The following RPS6KA2 variants were observed in gnomAD, a reference collection of about 807,000 sequenced individuals.
RPS6KA2 encodes the protein ribosomal protein S6 kinase alpha-2.
RPS6KA2 carries 42 observed loss-of-function variants against 91.8 expected under a neutral mutation model. The observed-to-expected ratio is 0.46, with a 90% confidence interval of 0.36 to 0.59. RPS6KA2 has a LOEUF of 0.59. RPS6KA2 is among the 20% of genes least tolerant of loss of function. The pLI is 0.00. For missense variants in RPS6KA2, 798 were observed against 978.5 expected (o/e 0.82, Z 2.46); for synonymous variants, 414 against 393.6 (o/e 1.05, Z -0.61).
At chr6:166,461,230 G>A (rs1296167721) in intron 11 of RPS6KA2, among the ~76,000 whole-genome samples, 1 of 152,182 alleles carries the variant, frequency 6.6e-6, no homozygotes, top group Non-Finnish European at 1.5e-5. Flanking sequence ...GATTTCATTA[G>A]CACCGAGTTA....
rs570093316 is a variant in RPS6KA2 at position 166,837,857 on chromosome 6, T to C, written c.123+20343A>G. Among the ~76,000 whole-genome samples the C allele has an allele frequency of 9.2e-5, 14 of 152,382 alleles. No homozygotes were observed. The East Asian group carries it at 2.1e-3, about 23-fold the overall frequency. On this transcript the variant is annotated intron_variant, in intron 2 of 21. Coordinates refer to the RPS6KA2 transcript ENST00000503859. ...ATAACTGGAAGCTTTTTGTTTTACT[T>C]GGTTGGTTGTTTGCTTTTTACCAAT...
intron 11 of RPS6KA2, 82 bp downstream of exon 11, chr6:166,469,759 A>C (rs1583175491): frequency 8.1e-7 from 1 of 1,232,654 alleles, no homozygotes; most frequent in South Asian, 1.2e-5. Flanking sequence ...GACACTGAGG[A>C]CCCTCTGCAC....
At chr6:166,705,609 C>T (rs1344656584) in intron 2 of RPS6KA2, among the ~76,000 whole-genome samples, 4 of 152,004 alleles carry the variant, frequency 2.6e-5, no homozygotes, top group Non-Finnish European at 5.9e-5. Context: ...AAGAAAGAAG[C>T]AAGAAGGAGA....
At chr6:166,624,636 A>T (rs190013040) in intron 1 of RPS6KA2, among the ~76,000 whole-genome samples, 22 of 152,258 alleles carry the variant, frequency 1.4e-4, no homozygotes, top group African/African-American at 4.3e-4. Context: ...CCAGAAAAAG[A>T]CCAGCCCAAG....
Position 166,418,105 on chromosome 6 carries a change from A to G in RPS6KA2, c.1938+120T>C. On this transcript the variant is annotated intron_variant, in intron 19 of 20. Coordinates refer to ENST00000265678, the MANE Select transcript of RPS6KA2 (RefSeq NM_021135.6). The surrounding 1 kb of genome is among the most constrained non-coding windows in gnomAD (Gnocchi z 4.9). ...ACTCCATTTCAAGAAAAAAAAAAAA[A>G]TATGCTGAGGATAAAATACCTATAC... The G allele has an allele frequency of 1.4e-6, 1 of 712,246 alleles. No individual in the cohort carries two copies. The allele number at this position is 712,246 out of a possible 1,614,324, so 44.1% of individuals were successfully genotyped here. A position where few individuals can be genotyped will look rare whatever the true frequency, so the allele number is the denominator to read the frequency against.
intron 2 of RPS6KA2, among the ~76,000 whole-genome samples, chr6:166,678,661 G>A (rs1788687214): frequency 6.6e-6 from 1 of 152,188 alleles, no homozygotes; most frequent in South Asian, 2.1e-4. Flanking sequence ...ACAGATGACT[G>A]TGACTCACGC....
At chr6:166,604,682 C>A (rs1157584658) in intron 1 of RPS6KA2, among the ~76,000 whole-genome samples, 1 of 152,148 alleles carries the variant, frequency 6.6e-6, no homozygotes, top group African/African-American at 2.4e-5. Flanking sequence ...GAACATGGGG[C>A]GCCTGATGTC....
chr6:166,858,105 A>G, intron 2 of RPS6KA2: 1 of 800,294 alleles, frequency 1.2e-6, no homozygotes, highest in Non-Finnish European at 2.3e-6. Flanking sequence ...AACTGCTCAC[A>G]GATATTTAAT....
chr6:166,553,551 C>A (rs1428148026), intron 1 of RPS6KA2, among the ~76,000 whole-genome samples: 3 of 150,710 alleles, frequency 2.0e-5, no homozygotes, highest in African/African-American at 7.4e-5. Context: ...GTGGTGTTCC[C>A]AAGTAGCAAA....
chr6:166,857,012 G>T (rs926266511), intron 2 of RPS6KA2, among the ~76,000 whole-genome samples: 1 of 152,208 alleles, frequency 6.6e-6, no homozygotes. Context: ...AAAATGCACA[G>T]AACCGAAAGG....
chr6:166,630,927 G>C (rs951131271), upstream of RPS6KA2, among the ~76,000 whole-genome samples: 5 of 152,216 alleles, frequency 3.3e-5, no homozygotes, highest in African/African-American at 1.2e-4. Context: ...GTTCAGGTGG[G>C]GGCACGTTCG....
chr6:166,536,553 G>C (rs1361602859), intron 2 of RPS6KA2, among the ~76,000 whole-genome samples: 1 of 152,200 alleles, frequency 6.6e-6, no homozygotes, highest in Non-Finnish European at 1.5e-5. Context: ...CCCTGGAAAT[G>C]TCTGAGCAAC....
At position 166,490,402 on chromosome 6, in the gene RPS6KA2, T is replaced by C. The variant is rs558392371; in HGVS notation, c.818+269A>G. ...AAACTATCTATGGTAGAAGAGTTCA[T>C]CAGAACCACTCAGCAGGATGAGACA... On this transcript the variant is annotated intron_variant, in intron 9 of 20. Transcript: ENST00000265678. The surrounding 1 kb of genome is among the most constrained non-coding windows in gnomAD (Gnocchi z 4.2). Among the ~76,000 whole-genome samples, 1 of 152,240 alleles carries C rather than the reference T, an allele frequency of 6.6e-6. No homozygotes were observed. Among genetic ancestry groups the C allele is most frequent in the African/African-American group, 2.4e-5 (1 of 41,532 alleles).
intron 2 of RPS6KA2, among the ~76,000 whole-genome samples, chr6:166,712,512 T>C (rs1027094143): frequency 1.3e-5 from 2 of 152,212 alleles, no homozygotes; most frequent in African/African-American, 4.8e-5. Flanking sequence ...ATCTAACAAG[T>C]ATCTGTGAGG....
At chr6:166,794,668 T>G (rs1196871487) in intron 2 of RPS6KA2, among the ~76,000 whole-genome samples, 1 of 150,796 alleles carries the variant, frequency 6.6e-6, no homozygotes, top group Non-Finnish European at 1.5e-5. Flanking sequence ...TGGAATACTA[T>G]GTAGCCATAA....
At chr6:166,530,016 T>C (rs1214766625) in intron 3 of RPS6KA2, among the ~76,000 whole-genome samples, 1 of 152,244 alleles carries the variant, frequency 6.6e-6, no homozygotes, top group Non-Finnish European at 1.5e-5. Context: ...ACATATTTGG[T>C]CTATGCATTT....
intron 2 of RPS6KA2, among the ~76,000 whole-genome samples, chr6:166,751,118 G>T (rs1012071020): frequency 6.6e-6 from 1 of 152,204 alleles, no homozygotes; most frequent in Non-Finnish European, 1.5e-5. Flanking sequence ...TCCAGGTTCA[G>T]CGGTGAAATA....
chr6:166,804,490 C>G (rs1042300000), intron 2 of RPS6KA2, among the ~76,000 whole-genome samples: 4 of 151,324 alleles, frequency 2.6e-5, no homozygotes, highest in Non-Finnish European at 5.9e-5. Flanking sequence ...ACTAACAAGA[C>G]ATATGATCTG....
Position 166,498,799 on chromosome 6 carries a change from G to A in RPS6KA2, c.605-149C>T, listed in dbSNP as rs1781896777. On this transcript the variant is annotated intron_variant, in intron 7 of 20. Coordinates refer to ENST00000265678, the MANE Select transcript of RPS6KA2 (RefSeq NM_021135.6). ...CTGCTCAGCAAAAGCGGGACCATGT[G>A]AGTGCTTCCCGAAGCCCGTCAGTGC... is the stretch of plus-strand genomic sequence containing the variant. The A allele has an allele frequency of 1.8e-5, 19 of 1,030,034 alleles. No homozygotes were observed. The South Asian group carries it at 2.9e-4, about 16-fold the overall frequency. The allele number at this position is 1,030,034 out of a possible 1,614,324, so 63.8% of individuals were successfully genotyped here.
Sources: allele counts gnomAD v4.1 joint callset (sites outside exome capture counted in the v4.1 genomes callset), GRCh38; gene constraint gnomAD v4.1.1; non-coding constraint Gnocchi (gnomAD v3.1); transcripts MANE v1.5; gene names NCBI Gene and HGNC (gene_info 2026-07-23, HGNC 2026-07-21).